The following MYT1L variants were observed in gnomAD, a reference collection of about 807,000 sequenced individuals.
The protein encoded by MYT1L is myelin transcription factor 1 like, also known as myelin transcription factor 1-like protein.
MYT1L carries 12 observed loss-of-function variants against 126.7 expected under a neutral mutation model. That is an observed-to-expected ratio of 0.09 (90% CI 0.06 to 0.15). The LOEUF is 0.15. Among genes scored for constraint, MYT1L ranks in the 10% least tolerant of loss-of-function variants. MYT1L has a pLI of 1.00. For synonymous variants in MYT1L, 541 were observed against 604.2 expected, an observed-to-expected ratio of 0.90 and a Z score of 1.53; for missense variants, 979 against 1,585.2, an observed-to-expected ratio of 0.62 and a Z score of 6.49.
chr2:2,205,167 A>G (rs2093264834), intron 2 of MYT1L, among the ~76,000 whole-genome samples: 1 of 151,338 alleles, frequency 6.6e-6, no homozygotes, highest in African/African-American at 2.4e-5. Flanking sequence ...ACCTAATGCT[A>G]AATGACGAGT....
At chr2:1,953,423 T>C (rs1014568088) in intron 8 of MYT1L, among the ~76,000 whole-genome samples, 5 of 152,224 alleles carry the variant, frequency 3.3e-5, no homozygotes, top group African/African-American at 1.2e-4. Context: ...TGCTGGAATT[T>C]TCTCTCCTAC....
intron 3 of MYT1L, among the ~76,000 whole-genome samples, chr2:2,066,593 T>A (rs892723097): frequency 6.6e-6 from 1 of 152,116 alleles, no homozygotes; most frequent in Non-Finnish European, 1.5e-5. Flanking sequence ...CAGGAGAGGC[T>A]ATGGGGGCAA....
chr2:2,094,331 C>G (rs2077205782), intron 3 of MYT1L, among the ~76,000 whole-genome samples: 1 of 152,174 alleles, frequency 6.6e-6, no homozygotes, highest in South Asian at 2.1e-4. Flanking sequence ...GGACTGTAAA[C>G]TGGTTCAACC....
intron 14 of MYT1L, chr2:1,902,804 A>G (rs2050523718): frequency 2.2e-6 from 1 of 449,998 alleles, no homozygotes. Flanking sequence ...GCCAGTCCAT[A>G]GCTTCTCCCT....
At chr2:2,324,838 A>T (rs1327258363) in intron 1 of MYT1L, 2 of 152,568 alleles carry the variant, frequency 1.3e-5, no homozygotes, top group East Asian at 3.9e-4. Flanking sequence ...GGTGGGAGGG[A>T]ACTTCACTGC....
intron 2 of MYT1L, among the ~76,000 whole-genome samples, chr2:2,222,115 A>T (rs909307167): frequency 6.6e-6 from 1 of 152,198 alleles, no homozygotes; most frequent in Admixed American, 6.5e-5. Flanking sequence ...TACTTCAAGG[A>T]CTATTGGATG....
rs532696878 is a variant in MYT1L at position 2,003,414 on chromosome 2, G to A, written c.-157-6067C>T. Among the ~76,000 whole-genome samples, 22 of 152,222 alleles carry A rather than the reference G, an allele frequency of 1.4e-4. No individual in the cohort carries two copies. The East Asian group carries it at 2.3e-3, about 16-fold the overall frequency. ...GGCCCCCAGTCCAGGTTTGCCCACC[G>A]TCACCCTGGCCCATGGTCCTGGCCT... On this transcript the variant is annotated intron_variant, in intron 4 of 24. Transcript: ENST00000647738.
intron 3 of MYT1L, among the ~76,000 whole-genome samples, chr2:2,092,366 T>C (rs141343652): frequency 2.4e-4 from 36 of 152,282 alleles, no homozygotes; most frequent in Middle Eastern, 3.4e-3. Flanking sequence ...TCAATCAAGT[T>C]TGCCATCTCC....
At chr2:2,204,081 G>A (rs964923463) in intron 2 of MYT1L, among the ~76,000 whole-genome samples, 5 of 152,068 alleles carry the variant, frequency 3.3e-5, no homozygotes, top group East Asian at 1.9e-4. Flanking sequence ...AAAGTGGATC[G>A]CTTCCTTACA....
chr2:1,825,635 T>C (rs1311979415), intron 21 of MYT1L: 2 of 152,220 alleles, frequency 1.3e-5, no homozygotes, highest in African/African-American at 4.8e-5. Context: ...AGGTTCCCCA[T>C]CTCTTTATTG....
intron 8 of MYT1L, among the ~76,000 whole-genome samples, chr2:1,976,703 A>G (rs549268704): frequency 3.3e-5 from 5 of 152,358 alleles, no homozygotes; most frequent in African/African-American, 1.2e-4. Flanking sequence ...AGCAATAGTC[A>G]TAGATGTTAA....
rs999404734 is a variant in MYT1L at position 1,851,637 on chromosome 2, A to C, written c.2774+4T>G. ...TTGGAGAGAAGAGTAGCATCTCTAC[A>C]TACCTCCGATGAGAAGCATAATTGC... On this transcript the variant is annotated splice_donor_region_variant and intron_variant, in intron 19 of 24. Transcript: ENST00000647738. 6.2e-7 allele frequency: 1 copy of C among 1,613,022 alleles called. No individual in the cohort carries two copies. The highest frequency in any genetic ancestry group is 8.5e-7 in the Non-Finnish European group (1 of 1,179,054).
intron 1 of MYT1L, among the ~76,000 whole-genome samples, chr2:2,320,933 A>G (rs1293202505): frequency 6.6e-6 from 1 of 152,228 alleles, no homozygotes; most frequent in Admixed American, 6.5e-5. Flanking sequence ...CGACCCAGAC[A>G]ACAAACAGCT....
chr2:2,047,587 C>T (rs1172417965), intron 4 of MYT1L, among the ~76,000 whole-genome samples: 1 of 152,192 alleles, frequency 6.6e-6, no homozygotes, highest in African/African-American at 2.4e-5. Flanking sequence ...TAAACTCACA[C>T]ATTTCTATTT....
intron 1 of MYT1L, chr2:2,324,698 A>C (rs1476288057): frequency 1.3e-5 from 2 of 152,710 alleles, no homozygotes; most frequent in Admixed American, 6.5e-5. Flanking sequence ...TGCTGCGTGC[A>C]TCAGGCTCAC....
intron 3 of MYT1L, among the ~76,000 whole-genome samples, chr2:2,094,473 G>A (rs948378989): frequency 1.3e-5 from 2 of 152,140 alleles, no homozygotes; most frequent in Non-Finnish European, 2.9e-5. Context: ...ACACGCACAT[G>A]TATGTTTATT....
At chr2:2,170,165 T>C (rs1166690368) in intron 3 of MYT1L, among the ~76,000 whole-genome samples, 1 of 152,184 alleles carries the variant, frequency 6.6e-6, no homozygotes, top group Non-Finnish European at 1.5e-5. Context: ...TAGACTGTCA[T>C]GCGAGTTTGC....
At chr2:1,796,112 G>T (rs2033441477) in intron 23 of MYT1L, among the ~76,000 whole-genome samples, 1 of 152,250 alleles carries the variant, frequency 6.6e-6, no homozygotes, top group Non-Finnish European at 1.5e-5. Context: ...AGCACCACGT[G>T]ACGCTGTGTT....
intron 1 of MYT1L, among the ~76,000 whole-genome samples, chr2:2,316,193 C>T (rs2096061878): frequency 6.6e-6 from 1 of 152,170 alleles, no homozygotes; most frequent in Admixed American, 6.5e-5. Flanking sequence ...CCTTTTCCCA[C>T]TGTGGGCCTG....
Sources: gnomAD v4.1 joint callset for allele counts (sites outside exome capture counted in the v4.1 genomes callset) on GRCh38, gnomAD v4.1.1 for gene constraint, MANE v1.5 for transcripts, NCBI Gene and HGNC (gene_info 2026-07-23, HGNC 2026-07-21) for gene names.